ZFHX4: variants seen among roughly 807,000 people sequenced by gnomAD.
ZFHX4 encodes the protein zinc finger homeobox 4.
Under a neutral mutation model 267.6 loss-of-function variants are expected in ZFHX4, and 56 were observed. The observed-to-expected ratio is 0.21, with a 90% CI of 0.17 to 0.26. The LOEUF (loss-of-function observed/expected upper bound fraction) is 0.26, where lower values mean the gene tolerates loss of function less well. ZFHX4 is among the 10% of genes least tolerant of loss of function. ZFHX4 has a pLI of 1.00. For missense variants in ZFHX4, 4,332 were observed against 4,420.0 expected (o/e 0.98, Z 0.56); for synonymous variants, 1,778 against 1,665.6 (o/e 1.07, Z -1.64).
Position 76,704,682 on chromosome 8 carries a change from T to A in ZFHX4, c.594T>A (p.Ala198=). The A allele has an allele frequency of 6.2e-7, 1 of 1,614,028 alleles. No homozygotes were observed. Among genetic ancestry groups the A allele is most frequent in the Non-Finnish European group, 8.5e-7 (1 of 1,179,902 alleles). The change falls in exon 2 of 11, where the codon GCT becomes GCA. Residue 198 remains alanine, a synonymous_variant. Coordinates refer to ENST00000651372, the MANE Select transcript of ZFHX4 (RefSeq NM_024721.5). ...YPQIINTFHI[A]SSLGKPFTAD... Reference sequence around the variant, plus strand: ...AGATCATCAACACTTTTCATATCGCTTCATCCCTCGGGAAACCATTTACAG... The same window carrying A: ...AGATCATCAACACTTTTCATATCGCATCATCCCTCGGGAAACCATTTACAG...
At chr8:76,810,848 G>C (rs1286354869) in intron 4 of ZFHX4, among the ~76,000 whole-genome samples, 1 of 151,934 alleles carries the variant, frequency 6.6e-6, no homozygotes, top group Non-Finnish European at 1.5e-5. Flanking sequence ...AATACATAGA[G>C]GCACTTTAAA....
At chr8:76,785,814 T>C (rs1245623881) in intron 4 of ZFHX4, among the ~76,000 whole-genome samples, 1 of 152,178 alleles carries the variant, frequency 6.6e-6, no homozygotes, top group East Asian at 1.9e-4. Context: ...ATTACGTAGA[T>C]AGTTCGGATG....
chr8:76,844,005 A>G (rs772114975), intron 6 of ZFHX4, among the ~76,000 whole-genome samples: 93 of 152,096 alleles, frequency 6.1e-4, no homozygotes, highest in Admixed American at 1.7e-3. Flanking sequence ...TTCTAATTTG[A>G]CTTAAACAAA....
intron 4 of ZFHX4, 48 bp downstream of exon 4, chr8:76,778,487 T>G: frequency 7.2e-7 from 1 of 1,398,586 alleles, no homozygotes; most frequent in Non-Finnish European, 1.0e-6. Flanking sequence ...TCCACACCAC[T>G]TCATCACACA....
rs562521863 is a variant in ZFHX4, at chr8:76,770,624, A to T, written c.3094-7584A>T. ...GAGAGAATGCAATCACCTATCAATT[A>T]ATTGTGCTAATATTTGATTAGTGAT... On this transcript the variant is annotated intron_variant, in intron 3 of 10. Coordinates refer to ENST00000651372, the MANE Select transcript of ZFHX4 (RefSeq NM_024721.5). Among the ~76,000 whole-genome samples, 13 of 152,294 alleles carry T rather than the reference A, an allele frequency of 8.5e-5. No homozygotes were observed. In the South Asian group the frequency reaches 2.7e-3, roughly 32 times the overall value.
intron 3 of ZFHX4, among the ~76,000 whole-genome samples, chr8:76,770,417 A>G (rs1489022651): frequency 6.6e-6 from 1 of 152,054 alleles, no homozygotes; most frequent in Admixed American, 6.5e-5. Context: ...GTCCTGATTA[A>G]CTCTTCATGC....
intron 4 of ZFHX4, among the ~76,000 whole-genome samples, chr8:76,805,213 C>T (rs1279685566): frequency 6.6e-6 from 1 of 152,018 alleles, no homozygotes; most frequent in Non-Finnish European, 1.5e-5. Context: ...TACTGTTATT[C>T]CATTTTGTAC....
rs575220676 is a variant in ZFHX4 at position 76,691,368 on chromosome 8, T to C, written c.-47+9748T>C. Reference sequence around the variant, plus strand: ...TGATTTCAGTGACTTAAAGTGTATTTATCATAATCATAAACATGGTGTGAA... The same window carrying C: ...TGATTTCAGTGACTTAAAGTGTATTCATCATAATCATAAACATGGTGTGAA... On this transcript the variant is annotated intron_variant, in intron 1 of 10. Transcript: ENST00000651372. Among the ~76,000 whole-genome samples the C allele has an allele frequency of 9.7e-4, 147 of 152,184 alleles. 1 individual carries two copies. The South Asian group carries it at 0.023, about 24-fold the overall frequency.
chr8:76,840,399 A>G (rs898965352), intron 5 of ZFHX4, among the ~76,000 whole-genome samples: 5 of 152,186 alleles, frequency 3.3e-5, no homozygotes, highest in African/African-American at 4.8e-5. Flanking sequence ...AACTGTTGCC[A>G]GGGTCAGGCT....
chr8:76,808,912 C>G (rs1340690573), intron 4 of ZFHX4, among the ~76,000 whole-genome samples: 1 of 131,448 alleles, frequency 7.6e-6, no homozygotes, highest in East Asian at 2.0e-4. Flanking sequence ...ATCTCTCTGT[C>G]TCTCTCTCTC....
At chr8:76,726,317 A>G (rs1808852134) in intron 3 of ZFHX4, among the ~76,000 whole-genome samples, 1 of 152,090 alleles carries the variant, frequency 6.6e-6, no homozygotes, top group Admixed American at 6.6e-5. Flanking sequence ...GTTGTTTTGG[A>G]TCTGTCCTTA....
At chr8:76,857,124 G>T (rs1812750678) in intron 10 of ZFHX4, among the ~76,000 whole-genome samples, 1 of 152,046 alleles carries the variant, frequency 6.6e-6, no homozygotes, top group Non-Finnish European at 1.5e-5. Flanking sequence ...GCACAGTTTA[G>T]ATTTTGTGAA....
Position 76,855,338 on chromosome 8 carries a change from T to C in ZFHX4, c.8417T>C (p.Ile2806Thr). ...ACCGATTTTGATGAGACTTCATCGATTAATACGGCAATCAGTGACGCCACC... is the reference window on the plus strand; with the variant it reads ...ACCGATTTTGATGAGACTTCATCGACTAATACGGCAATCAGTGACGCCACC... ...NKTDFDETSS[I>T]NTAISDATTG... Residue 2806 changes from isoleucine (I) to threonine (T), a missense_variant, in exon 10 of 11, where the codon ATT (isoleucine) becomes ACT (threonine). Physicochemically the swap from Ile to Thr is moderately conservative, Grantham distance 89. Transcript: ENST00000651372. The C allele has an allele frequency of 1.9e-6, 3 of 1,613,734 alleles. No individual in the cohort carries two copies. The highest frequency in any genetic ancestry group is 2.5e-6 in the Non-Finnish European group (3 of 1,179,838).
chr8:76,689,485 C>T (rs1660391974), intron 1 of ZFHX4, among the ~76,000 whole-genome samples: 1 of 152,138 alleles, frequency 6.6e-6, no homozygotes, highest in Non-Finnish European at 1.5e-5. Context: ...CACAATTTCT[C>T]TTGGCACTTG....
chr8:76,694,022 T>C (rs1807890301), intron 1 of ZFHX4, among the ~76,000 whole-genome samples: 1 of 152,194 alleles, frequency 6.6e-6, no homozygotes, highest in South Asian at 2.1e-4. Flanking sequence ...GAATAGCACT[T>C]TACCTCAAAG....
intron 3 of ZFHX4, among the ~76,000 whole-genome samples, chr8:76,742,087 T>C (rs1809332812): frequency 6.6e-6 from 1 of 152,190 alleles, no homozygotes; most frequent in Non-Finnish European, 1.5e-5. Context: ...AATGTGTTGC[T>C]AGAGGGATAA....
rs78000655 is a variant in ZFHX4, at chr8:76,795,075, T to C, written c.3325+16636T>C. On this transcript the variant is annotated intron_variant, in intron 4 of 10. Transcript: ENST00000651372. ...CAGCCTTTTCAAGTCCCAGGGAAAA[T>C]GGAAGACAAGATGCAATCCCCACTG... 2.2e-3 allele frequency among the ~76,000 whole-genome samples: 335 copies of C among 152,202 alleles called. 1 individual carries two copies. The highest frequency in any genetic ancestry group is 7.7e-3 in the African/African-American group (318 of 41,540).
At chr8:76,779,766 C>T (rs937840880) in intron 4 of ZFHX4, among the ~76,000 whole-genome samples, 1 of 151,976 alleles carries the variant, frequency 6.6e-6, no homozygotes. Context: ...GACTGGGCTG[C>T]GTGCCACGAT....
intron 10 of ZFHX4, among the ~76,000 whole-genome samples, chr8:76,857,407 C>T (rs1246561577): frequency 1.4e-5 from 2 of 146,414 alleles, no homozygotes; most frequent in African/African-American, 5.0e-5. Flanking sequence ...ATAAGGAAAG[C>T]TTTTTTCATT....
Sources: gnomAD v4.1 joint callset for allele counts (sites outside exome capture counted in the v4.1 genomes callset) on GRCh38, gnomAD v4.1.1 for gene constraint, MANE v1.5 for transcripts, NCBI Gene and HGNC (gene_info 2026-07-23, HGNC 2026-07-21) for gene names.